TCF4: variants seen among roughly 807,000 people sequenced by gnomAD.
The protein encoded by TCF4 is transcription factor 4, also known as SL3-3 enhancer factor 2.
A neutral mutation model predicts 82.1 loss-of-function variants in TCF4; 3 were observed. The ratio of observed to expected loss-of-function variants is 0.04; its 90% CI spans 0.02 to 0.09. The LOEUF is 0.09. TCF4 is among the 10% of genes least tolerant of loss of function. The probability of loss-of-function intolerance (pLI) is 1.00; values close to 1 mark genes in which losing one functional copy is unlikely to be tolerated. For synonymous variants in TCF4, 276 were observed against 309.6 expected (o/e 0.89, Z 1.14); for missense variants, 518 against 852.7 (o/e 0.61, Z 4.89).
intron 9 of TCF4, among the ~76,000 whole-genome samples, chr18:55,277,131 A>G (rs1260214897): frequency 6.6e-6 from 1 of 152,182 alleles, no homozygotes; most frequent in African/African-American, 2.4e-5. Flanking sequence ...TTCTCAGGGC[A>G]CCAAGTACCC....
At chr18:55,588,000 C>T (rs2147899970) in intron 1 of TCF4, 38 bp downstream of exon 1, 1 of 980,380 alleles carries the variant, frequency 1.0e-6, no homozygotes, top group East Asian at 1.2e-4. Context: ...CCGCCGGGCG[C>T]CTCCGCCCCG....
chr18:55,362,381 G>GGAAA (rs1491318137), intron 6 of TCF4, among the ~76,000 whole-genome samples: 1,777 of 88,194 alleles, frequency 0.02, 17 homozygotes, highest in Middle Eastern at 0.034. Context: ...AAGGAAGGAA[G>GGAAA]GAAGGAAGGA....
At chr18:55,538,399 CTCTT>C in intron 3 of TCF4, among the ~76,000 whole-genome samples, 1 of 152,304 alleles carries the variant, frequency 6.6e-6, no homozygotes, top group East Asian at 1.9e-4. Flanking sequence ...TTTCAAGGCT[CTCTT>C]TCTAAACAGA....
intron 3 of TCF4, among the ~76,000 whole-genome samples, chr18:55,481,258 C>T (rs1013906142): frequency 5.9e-5 from 9 of 152,102 alleles, no homozygotes; most frequent in Non-Finnish European, 1.2e-4. Context: ...GGAACTGGCA[C>T]AATGTTGGAA....
intron 6 of TCF4, among the ~76,000 whole-genome samples, chr18:55,402,538 G>A (rs2093884530): frequency 6.6e-6 from 1 of 150,914 alleles, no homozygotes; most frequent in South Asian, 2.1e-4. Flanking sequence ...AATAAAAACA[G>A]TAGAGAGCTC....
chr18:55,339,747 A>C (rs905458396), intron 8 of TCF4, among the ~76,000 whole-genome samples: 5 of 152,196 alleles, frequency 3.3e-5, no homozygotes, highest in Admixed American at 3.3e-4. Flanking sequence ...ATCAGCCTTT[A>C]TATATAAAAA....
upstream of TCF4, chr18:55,588,413 A>T (rs1313622640): frequency 7.8e-6 from 12 of 1,534,360 alleles, no homozygotes; most frequent in Middle Eastern, 1.7e-4. Context: ...GAAAAAAAAA[A>T]AATCTCAACA....
rs1167877839 is a variant in TCF4, at chr18:55,223,435, A to G, written c.*4600T>C. 2.6e-5 allele frequency: 4 copies of G among 152,648 alleles called. No individual in the cohort carries two copies. Among genetic ancestry groups the G allele is most frequent in the Non-Finnish European group, 4.4e-5 (3 of 68,034 alleles). The allele number at this position is 152,648 out of a possible 1,614,324, so 9.5% of individuals were successfully genotyped here. A position where few individuals can be genotyped will look rare whatever the true frequency, so the allele number is the denominator to read the frequency against. On this transcript the variant is annotated 3_prime_UTR_variant, in exon 20 of 20. Coordinates refer to ENST00000354452, the MANE Select transcript of TCF4 (RefSeq NM_001083962.2). ...TATGGACAATGCAAAATGAAATGAAACAAGTGTCAGAAACAGTTTATAAAA... is the reference window on the plus strand; with the variant it reads ...TATGGACAATGCAAAATGAAATGAAGCAAGTGTCAGAAACAGTTTATAAAA...
At chr18:55,272,842 A>C (rs1392734977) in intron 10 of TCF4, among the ~76,000 whole-genome samples, 1 of 152,110 alleles carries the variant, frequency 6.6e-6, no homozygotes, top group Admixed American at 6.6e-5. Context: ...TGAAGGGAAA[A>C]ACTGCCATCA....
chr18:55,434,257 G>C (rs1268890120), intron 5 of TCF4, among the ~76,000 whole-genome samples: 1 of 152,018 alleles, frequency 6.6e-6, no homozygotes, highest in Non-Finnish European at 1.5e-5. Context: ...AATTCATCTT[G>C]AGTGACAAGC....
At chr18:55,398,044 C>A (rs990600772) in intron 6 of TCF4, among the ~76,000 whole-genome samples, 1 of 152,106 alleles carries the variant, frequency 6.6e-6, no homozygotes, top group African/African-American at 2.4e-5. Context: ...CCGTTAACAT[C>A]CAGGAAGCTG....
rs957552989 is a variant in TCF4 at position 55,400,955 on chromosome 18, T to A, written c.369+2499A>T. ...TTTCCTATTCCGTATCTCAATCATG[T>A]AGTAAACAGAAGAAAACAAAAGCCT... On this transcript the variant is annotated intron_variant, in intron 6 of 19. Transcript: ENST00000354452. The A allele has an allele frequency of 2.3e-6, 3 of 1,288,492 alleles. No individual in the cohort carries two copies. The Admixed American group carries it at 6.9e-5, about 30-fold the overall frequency. The allele number at this position is 1,288,492 out of a possible 1,614,324, so 79.8% of individuals were successfully genotyped here.
chr18:55,471,330 G>A (rs867743682), intron 3 of TCF4, among the ~76,000 whole-genome samples: 1 of 152,110 alleles, frequency 6.6e-6, no homozygotes, highest in South Asian at 2.1e-4. Context: ...CAAGAAACTC[G>A]ACAAGAAGCT....
At chr18:55,232,139 A>C (rs1212711404) in intron 17 of TCF4, 2 of 221,986 alleles carry the variant, frequency 9.0e-6, no homozygotes, top group African/African-American at 4.6e-5. Context: ...TATAGTTGGC[A>C]CATACATCAG....
At chr18:55,465,586 G>A (rs1015636103) in intron 3 of TCF4, among the ~76,000 whole-genome samples, 3 of 152,086 alleles carry the variant, frequency 2.0e-5, no homozygotes, top group African/African-American at 7.2e-5. Flanking sequence ...GAGAAAAGGT[G>A]TAAAACCTTC....
At chr18:55,381,044 C>T (rs1286673283) in intron 6 of TCF4, among the ~76,000 whole-genome samples, 3 of 151,960 alleles carry the variant, frequency 2.0e-5, no homozygotes, top group African/African-American at 4.8e-5. Context: ...AAATATATCT[C>T]GATTTTTTTA....
chr18:55,634,290 CA>C (rs796819597), intron 1 of TCF4, among the ~76,000 whole-genome samples: 129 of 147,808 alleles, frequency 8.7e-4, no homozygotes, highest in African/African-American at 2.8e-3. Flanking sequence ...AAAACAAAAA[CA>C]AAAAAAAAAA....
chr18:55,410,707 T>G (rs540872459), intron 5 of TCF4, among the ~76,000 whole-genome samples: 6 of 152,172 alleles, frequency 3.9e-5, no homozygotes, highest in African/African-American at 1.4e-4. Flanking sequence ...GTTTTCTAGA[T>G]GTATCATTAT....
chr18:55,252,604 T>TTAATATTTA (rs1481239137), intron 15 of TCF4, among the ~76,000 whole-genome samples: 3 of 152,258 alleles, frequency 2.0e-5, no homozygotes, highest in Admixed American at 6.5e-5. Context: ...TATGTATAGT[T>TTAATATTTA]TAATATTTAA....
Sources: gnomAD v4.1 joint callset for allele counts (sites outside exome capture counted in the v4.1 genomes callset) on GRCh38, gnomAD v4.1.1 for gene constraint, MANE v1.5 for transcripts, NCBI Gene and HGNC (gene_info 2026-07-23, HGNC 2026-07-21) for gene names.